SLC35A1: variants seen among roughly 807,000 people sequenced by gnomAD.
SLC35A1 encodes CMP-sialic acid transporter.
In SLC35A1, 21 loss-of-function variants were observed where a neutral mutation model predicts 40.3. The ratio of observed to expected loss-of-function variants is 0.52; its 90% confidence interval spans 0.37 to 0.75. The LOEUF (loss-of-function observed/expected upper bound fraction) is 0.75, where lower values mean the gene tolerates loss of function less well. Ranked by LOEUF, SLC35A1 falls within the 30% of genes least tolerant of loss-of-function variation. SLC35A1 has a pLI of 0.00. For missense variants in SLC35A1, 297 were observed against 382.1 expected (o/e 0.78, Z 1.86); for synonymous variants, 146 against 147.3 (o/e 0.99, Z 0.06).
chr6:87,506,235 A>T, intron 4 of SLC35A1, 147 bp from the exon 5 acceptor site: 1 of 665,232 alleles, frequency 1.5e-6, no homozygotes, highest in Admixed American at 2.7e-5. Context: ...CTTTTTGTTT[A>T]GTTGTCTTAT....
intron 2 of SLC35A1, among the ~76,000 whole-genome samples, chr6:87,497,570 G>C (rs1372622969): frequency 6.6e-6 from 1 of 152,114 alleles, no homozygotes; most frequent in African/African-American, 2.4e-5. Flanking sequence ...GGGAGAAAAG[G>C]GACCACAGCA....
At position 87,472,983 on chromosome 6, in the gene SLC35A1, G is replaced by A. The variant is rs886061815; in HGVS notation, c.-21G>A. ...CGCGGAGGGGGCGGGCGTCAGTTCCGCGGGGGGCTGTCGGGGAACCATGGC... is the reference window on the plus strand; with the variant it reads ...CGCGGAGGGGGCGGGCGTCAGTTCCACGGGGGGCTGTCGGGGAACCATGGC... On this transcript the variant is annotated 5_prime_UTR_variant, in exon 1 of 8. Transcript: ENST00000369552. The A allele has an allele frequency of 7.8e-5, 52 of 665,816 alleles. 1 individual carries two copies. The highest frequency in any genetic ancestry group is 1.1e-4 in the Non-Finnish European group (49 of 431,624). The allele number at this position is 665,816 out of a possible 1,614,324, so 41.2% of individuals were successfully genotyped here.
chr6:87,478,069 C>T (rs990605252), intron 2 of SLC35A1, among the ~76,000 whole-genome samples: 3 of 152,048 alleles, frequency 2.0e-5, no homozygotes, highest in African/African-American at 4.8e-5. Flanking sequence ...TTCTCATTTA[C>T]TTCTTCCACA....
intron 4 of SLC35A1, among the ~76,000 whole-genome samples, chr6:87,504,402 G>A (rs1409587128): frequency 2.6e-5 from 4 of 151,940 alleles, no homozygotes; most frequent in Admixed American, 6.6e-5. Context: ...TCTGTACTTC[G>A]GCTTTGTTCT....
At chr6:87,476,175 TTA>T (rs1201193479) in intron 1 of SLC35A1, among the ~76,000 whole-genome samples, 1 of 152,196 alleles carries the variant, frequency 6.6e-6, no homozygotes, top group Non-Finnish European at 1.5e-5. Flanking sequence ...AATTAAGTGT[TTA>T]TATGTTTCCT....
chr6:87,503,258 C>G (rs1769974636), intron 4 of SLC35A1, among the ~76,000 whole-genome samples: 1 of 152,140 alleles, frequency 6.6e-6, no homozygotes, highest in South Asian at 2.1e-4. Context: ...AGGTTGCAGT[C>G]AAGATACTGG....
intron 4 of SLC35A1, among the ~76,000 whole-genome samples, chr6:87,505,066 A>C (rs1770036480): frequency 1.3e-5 from 2 of 152,170 alleles, no homozygotes; most frequent in Admixed American, 1.3e-4. Context: ...TTTTATTTCT[A>C]ACAAACCCCC....
chr6:87,509,983 G>A (rs1385190690), intron 7 of SLC35A1, among the ~76,000 whole-genome samples: 1 of 152,080 alleles, frequency 6.6e-6, no homozygotes, highest in Non-Finnish European at 1.5e-5. Context: ...TTTTAAAATT[G>A]ACTCCTGTAT....
intron 1 of SLC35A1, among the ~76,000 whole-genome samples, chr6:87,474,433 T>C (rs1284117497): frequency 2.0e-5 from 3 of 152,160 alleles, no homozygotes; most frequent in African/African-American, 7.2e-5. Flanking sequence ...AAACACTATA[T>C]GGGAGCTAAT....
In SLC35A1 at chr6:87,500,512, A is replaced by G. The variant is rs1769884829; in HGVS notation, c.199A>G (p.Thr67Ala). 2 of 1,613,970 alleles carry G rather than the reference A, an allele frequency of 1.2e-6. No homozygotes were observed. The highest frequency in any genetic ancestry group is 1.1e-5 in the South Asian group (1 of 91,078). Residue 67 changes from threonine (T) to alanine (A), a missense_variant, in exon 3 of 8, where the codon ACT becomes GCT. Transcript: ENST00000369552. ...LLSVGILAKE[T>A]GSLGRFKASL... is the part of the protein sequence containing the mutation. Reference sequence around the variant, plus strand: ...CTCCCCCTTTTGTTTTCAAAGAGAAACTGGTAGTCTGGGTAGATTCAAAGC... The same window carrying G: ...CTCCCCCTTTTGTTTTCAAAGAGAAGCTGGTAGTCTGGGTAGATTCAAAGC...
intron 2 of SLC35A1, among the ~76,000 whole-genome samples, chr6:87,482,354 A>G (rs1769269150): frequency 6.6e-6 from 1 of 151,386 alleles, no homozygotes; most frequent in Non-Finnish European, 1.5e-5. Flanking sequence ...GATAATACAT[A>G]TTACACTGCT....
chr6:87,507,544 G>T (rs1479763550), intron 5 of SLC35A1, among the ~76,000 whole-genome samples: 1 of 152,122 alleles, frequency 6.6e-6, no homozygotes, highest in African/African-American at 2.4e-5. Flanking sequence ...GGTAAAATCA[G>T]AGGTGAAAAT....
intron 2 of SLC35A1, among the ~76,000 whole-genome samples, chr6:87,498,081 G>T (rs949087046): frequency 5.3e-5 from 8 of 152,080 alleles, no homozygotes; most frequent in African/African-American, 1.9e-4. Flanking sequence ...CATAGCTGGG[G>T]ATTAGGGAAA....
rs1770157952 is a variant in SLC35A1 at position 87,508,554 on chromosome 6, G to A, written c.709G>A (p.Gly237Arg). 6 of 1,612,846 alleles carry A rather than the reference G, an allele frequency of 3.7e-6. No individual in the cohort carries two copies. The highest frequency in any genetic ancestry group is 1.3e-5 in the African/African-American group (1 of 74,860). ...LSDGAEIKEKGFFYGYTYYVW... is the reference protein window; with the variant it reads ...LSDGAEIKEKRFFYGYTYYVW... ...AGATGGAGCTGAAATTAAAGAAAAA[G>A]GATTTTTCTATGGTTACACATATTA... is the stretch of plus-strand genomic sequence containing the variant. Residue 237 changes from glycine (G) to arginine (R), a missense_variant, in exon 6 of 8, where the codon GGA becomes AGA. Coordinates refer to ENST00000369552, the MANE Select transcript of SLC35A1 (RefSeq NM_006416.5).
intron 2 of SLC35A1, among the ~76,000 whole-genome samples, chr6:87,483,167 CTCTCTCTCTCTT>C (rs1003257747): frequency 4.6e-5 from 7 of 151,288 alleles, no homozygotes; most frequent in African/African-American, 9.8e-5. Context: ...CTCTCTGTCT[CTCTCTCTCTCTT>C]TCTCTCTCTC....
rs9362430 is a variant in SLC35A1 at position 87,505,835 on chromosome 6, C to T, written c.508-547C>T. Among the ~76,000 whole-genome samples, 368 of 152,280 alleles carry T rather than the reference C, an allele frequency of 2.4e-3. 6 individuals carry two copies. In the East Asian group the frequency reaches 0.064, roughly 27 times the overall value. On this transcript the variant is annotated intron_variant, in intron 4 of 7. Transcript: ENST00000369552. ...TGCCCACCTCTTAATACTGTTAGAACGGCAATTAAATCTCAACATGTGTTT... is the reference window on the plus strand; with the variant it reads ...TGCCCACCTCTTAATACTGTTAGAATGGCAATTAAATCTCAACATGTGTTT...
intron 7 of SLC35A1, 114 bp downstream of exon 7, chr6:87,509,289 G>A: frequency 7.7e-7 from 1 of 1,299,626 alleles, no homozygotes; most frequent in Non-Finnish European, 1.1e-6. Context: ...GAAATTCCTA[G>A]CTTTGTTACT....
rs1770282953 is a variant in SLC35A1, at chr6:87,511,758, A to C, written c.*232A>C. 1.9e-6 allele frequency: 1 copy of C among 528,238 alleles called. No individual in the cohort carries two copies. Among genetic ancestry groups the C allele is most frequent in the Admixed American group, 3.1e-5 (1 of 32,260 alleles). 32.7% of individuals were successfully genotyped at this position (528,238 alleles called of 1,614,324 possible). A position where few individuals can be genotyped will look rare whatever the true frequency, so the allele number is the denominator to read the frequency against. On this transcript the variant is annotated 3_prime_UTR_variant, in exon 8 of 8. Coordinates refer to ENST00000369552, the MANE Select transcript of SLC35A1 (RefSeq NM_006416.5). The stretch of plus-strand genomic sequence containing the variant: ...TATTGTTTTAGAATGAAGGAATTGT[A>C]TTATTGTGTGTATATATAATTTGTA...
At chr6:87,477,624 T>G (rs902348362) in intron 2 of SLC35A1, 85 bp downstream of exon 2, 4 of 1,152,514 alleles carry the variant, frequency 3.5e-6, no homozygotes, top group Non-Finnish European at 3.9e-6. Flanking sequence ...CATCTTTATA[T>G]GTTTAATTGC....
Sources: gnomAD v4.1 joint callset for allele counts (sites outside exome capture counted in the v4.1 genomes callset) on GRCh38, gnomAD v4.1.1 for gene constraint, MANE v1.5 for transcripts, NCBI Gene and HGNC (gene_info 2026-07-23, HGNC 2026-07-21) for gene names.